The following PRTG variants were observed in gnomAD, a reference collection of about 807,000 sequenced individuals.
The protein encoded by PRTG is protogenin.
A neutral mutation model predicts 122.5 loss-of-function variants in PRTG; 67 were observed. That is an observed-to-expected ratio of 0.55 (90% CI 0.45 to 0.67). The LOEUF (loss-of-function observed/expected upper bound fraction) is 0.67, where lower values mean the gene tolerates loss of function less well. Ranked by LOEUF, PRTG falls within the 30% of genes least tolerant of loss-of-function variation. The pLI is 0.00. For synonymous variants in PRTG, 554 were observed against 501.1 expected (o/e 1.11, Z -1.41); for missense variants, 1,435 against 1,415.4 (o/e 1.01, Z -0.22).
intron 2 of PRTG, among the ~76,000 whole-genome samples, chr15:55,735,490 A>C (rs1433204580): frequency 1.3e-5 from 2 of 152,122 alleles, no homozygotes; most frequent in African/African-American, 4.8e-5. Flanking sequence ...CAATAGACCC[A>C]GCTGTTAAAT....
chr15:55,671,204 A>T (rs7167185), intron 11 of PRTG, among the ~76,000 whole-genome samples: 1 of 152,170 alleles, frequency 6.6e-6, no homozygotes, highest in Non-Finnish European at 1.5e-5. Context: ...CTGTGCTACC[A>T]TGAGTCCAGG....
intron 11 of PRTG, among the ~76,000 whole-genome samples, chr15:55,664,578 G>A (rs2059428084): frequency 6.6e-6 from 1 of 152,018 alleles, no homozygotes; most frequent in Non-Finnish European, 1.5e-5. Flanking sequence ...TCTAAATTTA[G>A]AAATTTTTTT....
At chr15:55,718,095 C>A (rs146860041) in intron 2 of PRTG, among the ~76,000 whole-genome samples, 81 of 152,204 alleles carry the variant, frequency 5.3e-4, no homozygotes, top group Middle Eastern at 3.4e-3. Flanking sequence ...ACTCTCTTCT[C>A]CAACCTCTCT....
At position 55,617,290 on chromosome 15, in the gene PRTG, T is replaced by C. The variant is rs1288458247; in HGVS notation, c.*2722A>G. 2 of 152,250 alleles carry C rather than the reference T, an allele frequency of 1.3e-5. No homozygotes were observed. Among genetic ancestry groups the C allele is most frequent in the Middle Eastern group, 3.4e-3 (1 of 290 alleles). 9.4% of individuals were successfully genotyped at this position (152,250 alleles called of 1,614,324 possible). On this transcript the variant is annotated 3_prime_UTR_variant, in exon 20 of 20. Coordinates refer to ENST00000389286, the MANE Select transcript of PRTG (RefSeq NM_173814.6). ...ATAAAAATACTTTAATACTGTATAG[T>C]TGAAGATTTACTTGCTGAAGAAAAA...
chr15:55,627,191 C>A (rs915304436), intron 16 of PRTG, 63 bp from the exon 17 acceptor site: 5 of 1,315,988 alleles, frequency 3.8e-6, no homozygotes, highest in Admixed American at 2.7e-5. Context: ...ATTTATAATT[C>A]TCAGGTACTT....
intron 15 of PRTG, among the ~76,000 whole-genome samples, chr15:55,629,375 A>ATATGTGTGTGTGTGTGTG (rs1374294067): frequency 2.1e-5 from 1 of 47,936 alleles, no homozygotes; most frequent in Admixed American, 2.2e-4. Context: ...ATATATATAT[A>ATATGTGTGTGTGTGTGTG]TGTGTGTGTG....
intron 11 of PRTG, among the ~76,000 whole-genome samples, chr15:55,661,215 CCT>C (rs1454554015): frequency 1.3e-5 from 2 of 152,070 alleles, no homozygotes; most frequent in Non-Finnish European, 2.9e-5. Flanking sequence ...GGGGATATTC[CCT>C]GAGTACAAGA....
At chr15:55,681,074 G>A (rs2059535377) in intron 4 of PRTG, among the ~76,000 whole-genome samples, 1 of 152,084 alleles carries the variant, frequency 6.6e-6, no homozygotes. Context: ...ACATGTATAA[G>A]TACTTCATTC....
At chr15:55,708,922 AT>A (rs1347313497) in intron 2 of PRTG, among the ~76,000 whole-genome samples, 2 of 151,936 alleles carry the variant, frequency 1.3e-5, no homozygotes, top group African/African-American at 4.8e-5. Flanking sequence ...AGGCAGGCAG[AT>A]TAGGTGAGGT....
intron 17 of PRTG, among the ~76,000 whole-genome samples, chr15:55,625,648 G>T (rs2059190461): frequency 1.3e-5 from 2 of 150,346 alleles, no homozygotes; most frequent in Non-Finnish European, 3.0e-5. Flanking sequence ...TTTTGAGATG[G>T]AGTATTGCTC....
rs56275705 is a variant in PRTG at position 55,706,014 on chromosome 15, A to ATTTTTTTTT, written c.398-22092_398-22084dup. Among the ~76,000 whole-genome samples the ATTTTTTTTT allele has an allele frequency of 9.5e-4, 90 of 94,354 alleles. 2 individuals are homozygous for ATTTTTTTTT. Among genetic ancestry groups the ATTTTTTTTT allele is most frequent in the African/African-American group, 2.8e-3 (61 of 22,160 alleles). The allele number at this position is 94,354 out of a possible 152,430, so 61.9% of individuals were successfully genotyped here. On this transcript the variant is annotated intron_variant, in intron 2 of 19. Coordinates refer to ENST00000389286, the MANE Select transcript of PRTG (RefSeq NM_173814.6). ...ATGCGCATGCCACCATGCCCAGCTA[A>ATTTTTTTTT]TTTTTTTTTTTTTTTTTTTGTATTT...
intron 2 of PRTG, among the ~76,000 whole-genome samples, chr15:55,697,613 T>C (rs982007132): frequency 1.6e-4 from 24 of 152,248 alleles, no homozygotes; most frequent in Non-Finnish European, 2.9e-4. Flanking sequence ...TGCCTCAGCC[T>C]CCCAAGTAGC....
intron 2 of PRTG, among the ~76,000 whole-genome samples, chr15:55,738,002 C>CTCTCTCTCTCTATATATA (rs1248440584): frequency 1.0e-5 from 1 of 96,680 alleles, no homozygotes; most frequent in African/African-American, 3.7e-5. Flanking sequence ...CTCTCTCTCT[C>CTCTCTCTCTCTATATATA]TATATATATA....
At chr15:55,633,841 G>A (rs1310126535) in intron 15 of PRTG, among the ~76,000 whole-genome samples, 2 of 152,116 alleles carry the variant, frequency 1.3e-5, no homozygotes, top group Non-Finnish European at 2.9e-5. Context: ...TTTAACAAAT[G>A]ACAAAAGCTT....
chr15:55,688,313 C>T (rs941775541), intron 2 of PRTG, among the ~76,000 whole-genome samples: 1 of 152,156 alleles, frequency 6.6e-6, no homozygotes, highest in African/African-American at 2.4e-5. Flanking sequence ...TTCCTGTCTC[C>T]CTTTTCAAGG....
At chr15:55,742,441 T>C (rs1272466128) in intron 1 of PRTG, 1 of 190,630 alleles carries the variant, frequency 5.2e-6, no homozygotes, top group Non-Finnish European at 1.1e-5. Context: ...TAAAGCCACG[T>C]GCAGCCGCGG....
intron 9 of PRTG, 86 bp from the exon 10 acceptor site, chr15:55,673,762 G>T: frequency 1.0e-6 from 1 of 1,000,044 alleles, no homozygotes; most frequent in Non-Finnish European, 1.5e-6. Context: ...CTCTTAATTA[G>T]CAACATATAA....
At chr15:55,723,588 G>A (rs1376268863) in intron 2 of PRTG, among the ~76,000 whole-genome samples, 1 of 151,788 alleles carries the variant, frequency 6.6e-6, no homozygotes, top group Admixed American at 6.6e-5. Flanking sequence ...AAAACTTGAT[G>A]GATTCCAAGT....
intron 7 of PRTG, among the ~76,000 whole-genome samples, chr15:55,678,264 C>T (rs994708964): frequency 2.0e-5 from 3 of 152,068 alleles, no homozygotes; most frequent in South Asian, 2.1e-4. Context: ...TTTAAAGAGA[C>T]GGGGTCTCAC....
Sources: allele counts gnomAD v4.1 joint callset (sites outside exome capture counted in the v4.1 genomes callset), GRCh38; gene constraint gnomAD v4.1.1; transcripts MANE v1.5; gene names NCBI Gene and HGNC (gene_info 2026-07-23, HGNC 2026-07-21).